The following AGMO variants were observed in gnomAD, a reference collection of about 807,000 sequenced individuals.
AGMO encodes the protein alkylglycerol monooxygenase.
Under a neutral mutation model 60.2 loss-of-function variants are expected in AGMO, and 75 were observed. That is an observed-to-expected ratio of 1.25 (90% confidence interval 1.03 to 1.51). The LOEUF (loss-of-function observed/expected upper bound fraction) is 1.51, where lower values mean the gene tolerates loss of function less well. AGMO is among the 40% of genes most tolerant of loss of function. The pLI is 0.00. For synonymous variants in AGMO, 261 were observed against 177.1 expected, an observed-to-expected ratio of 1.47 and a Z score of -3.76; for missense variants, 763 against 525.5, an observed-to-expected ratio of 1.45 and a Z score of -4.42.
At chr7:15,262,279 A>G (rs771635433) in intron 12 of AGMO, among the ~76,000 whole-genome samples, 2 of 152,120 alleles carry the variant, frequency 1.3e-5, no homozygotes, top group Non-Finnish European at 2.9e-5. Flanking sequence ...GAATTCAGCA[A>G]AGTTTCAGGA....
At chr7:15,202,955 G>A (rs1781341750) in intron 12 of AGMO, among the ~76,000 whole-genome samples, 1 of 152,110 alleles carries the variant, frequency 6.6e-6, no homozygotes, top group Non-Finnish European at 1.5e-5. Context: ...GTGAGACAGA[G>A]ATGATAAATC....
intron 12 of AGMO, among the ~76,000 whole-genome samples, chr7:15,231,414 C>A (rs1782255470): frequency 1.3e-5 from 2 of 152,202 alleles, no homozygotes; most frequent in Non-Finnish European, 2.9e-5. Flanking sequence ...CTCTCCCTAT[C>A]TCAAAGCATA....
At chr7:15,137,271 G>A in the AGMO span, among the ~76,000 whole-genome samples, 1 of 152,218 alleles carries the variant, frequency 6.6e-6, no homozygotes, top group South Asian at 2.1e-4. Context: ...TCTGAATGAT[G>A]TCTACTGGAA....
intron 12 of AGMO, among the ~76,000 whole-genome samples, chr7:15,239,295 T>C (rs942004457): frequency 1.8e-4 from 28 of 152,250 alleles, no homozygotes; most frequent in Middle Eastern, 3.4e-3. Flanking sequence ...TAGATAATGA[T>C]ATTTGATGCA....
At chr7:15,252,846 C>T (rs549723229) in intron 12 of AGMO, among the ~76,000 whole-genome samples, 15 of 152,038 alleles carry the variant, frequency 9.9e-5, no homozygotes, top group Middle Eastern at 3.4e-3. Flanking sequence ...AAAGGGTGGG[C>T]GGGGGCAGTA....
At chr7:15,209,305 G>A (rs11975653) in intron 12 of AGMO, among the ~76,000 whole-genome samples, 1 of 152,048 alleles carries the variant, frequency 6.6e-6, no homozygotes, top group East Asian at 1.9e-4. Flanking sequence ...ATGCAATACT[G>A]CTTATCCAGG....
intron 3 of AGMO, among the ~76,000 whole-genome samples, chr7:15,536,236 G>T (rs1055667787): frequency 6.6e-6 from 1 of 151,640 alleles, no homozygotes; most frequent in African/African-American, 2.4e-5. Flanking sequence ...TAGATTAAAC[G>T]GCTCAAATCT....
intron 12 of AGMO, among the ~76,000 whole-genome samples, chr7:15,306,985 T>C (rs543666342): frequency 1.7e-5 from 2 of 117,202 alleles, no homozygotes; most frequent in South Asian, 2.6e-4. Flanking sequence ...AATTTTAATA[T>C]AGAAAGTTGT....
intron 3 of AGMO, among the ~76,000 whole-genome samples, chr7:15,542,494 T>C (rs561217218): frequency 6.6e-6 from 1 of 152,310 alleles, no homozygotes; most frequent in African/African-American, 2.4e-5. Context: ...TGATTCTTTG[T>C]TTCCTGTTAT....
intron 10 of AGMO, among the ~76,000 whole-genome samples, chr7:15,377,386 T>G (rs1783497307): frequency 6.6e-6 from 1 of 152,040 alleles, no homozygotes; most frequent in African/African-American, 2.4e-5. Context: ...TCTCATATAT[T>G]TTTTCATGAC....
chr7:15,543,180 C>T (rs1476806711), intron 3 of AGMO, among the ~76,000 whole-genome samples: 1 of 152,104 alleles, frequency 6.6e-6, no homozygotes, highest in Admixed American at 6.6e-5. Flanking sequence ...ACCAACCACC[C>T]ACTGAAATCC....
intron 12 of AGMO, among the ~76,000 whole-genome samples, chr7:15,280,338 C>A (rs1220737554): frequency 6.6e-6 from 1 of 151,608 alleles, no homozygotes; most frequent in Non-Finnish European, 1.5e-5. Context: ...CTCCCCACTC[C>A]CTGTGCCAAC....
chr7:15,361,277 GAA>G (rs879496227), intron 12 of AGMO, among the ~76,000 whole-genome samples: 3 of 137,912 alleles, frequency 2.2e-5, no homozygotes, highest in African/African-American at 2.7e-5. Context: ...GAACTTAGTT[GAA>G]AAAAAAAAAA....
At chr7:15,193,767 TGA>T in the AGMO span, among the ~76,000 whole-genome samples, 2 of 152,182 alleles carry the variant, frequency 1.3e-5, no homozygotes, top group Non-Finnish European at 2.9e-5. Flanking sequence ...TTCAGTAACA[TGA>T]GAGGACACAG....
At chr7:15,250,432 C>G (rs73060408) in intron 12 of AGMO, among the ~76,000 whole-genome samples, 16,773 of 151,874 alleles carry the variant, frequency 0.11, 1,245 homozygotes, top group South Asian at 0.28. Flanking sequence ...CTAGGTAGAA[C>G]CAGAGTCTGA....
At chr7:15,235,830 C>A (rs1396642194) in intron 12 of AGMO, among the ~76,000 whole-genome samples, 1 of 152,056 alleles carries the variant, frequency 6.6e-6, no homozygotes, top group Admixed American at 6.6e-5. Flanking sequence ...TTTTATGGAA[C>A]AAATGTAAGC....
intron 3 of AGMO, among the ~76,000 whole-genome samples, chr7:15,466,317 A>C (rs1369354036): frequency 6.6e-6 from 1 of 152,192 alleles, no homozygotes; most frequent in Non-Finnish European, 1.5e-5. Context: ...AATTCTGGGT[A>C]ATCTGAATTT....
At chr7:15,523,777 A>G (rs1037892097) in intron 3 of AGMO, among the ~76,000 whole-genome samples, 1 of 152,132 alleles carries the variant, frequency 6.6e-6, no homozygotes, top group Admixed American at 6.5e-5. Flanking sequence ...TGGCACATGT[A>G]TACCTATGTG....
At chr7:15,341,993 A>T (rs946818490) in intron 12 of AGMO, among the ~76,000 whole-genome samples, 3 of 151,800 alleles carry the variant, frequency 2.0e-5, no homozygotes, top group African/African-American at 7.3e-5. Flanking sequence ...ACAATTCAAG[A>T]TGAGATTTGG....
Sources: gnomAD v4.1 joint callset for allele counts (sites outside exome capture counted in the v4.1 genomes callset) on GRCh38, gnomAD v4.1.1 for gene constraint, MANE v1.5 for transcripts, NCBI Gene and HGNC (gene_info 2026-07-23, HGNC 2026-07-21) for gene names.